ARPC1B: variants seen among roughly 807,000 people sequenced by gnomAD.
ARPC1B encodes the protein actin-related protein 2/3 complex subunit 1B.
A neutral mutation model predicts 46.0 loss-of-function variants in ARPC1B; 29 were observed. The ratio of observed to expected loss-of-function variants is 0.63; its 90% CI spans 0.47 to 0.86. The LOEUF (loss-of-function observed/expected upper bound fraction) is 0.86. Ranked by LOEUF, ARPC1B falls within the 40% of genes least tolerant of loss-of-function variation. The pLI is 0.00. For missense variants in ARPC1B, 469 were observed against 529.4 expected (o/e 0.89, Z 1.12); for synonymous variants, 201 against 213.9 (o/e 0.94, Z 0.53).
intron 2 of ARPC1B, 88 bp from the exon 3 acceptor site, chr7:99,386,597 T>A (rs1424149967): frequency 1.1e-5 from 11 of 1,008,614 alleles, no homozygotes; most frequent in Non-Finnish European, 1.3e-5. Flanking sequence ...AAAGGTGAGG[T>A]GTTGTTGCCT....
At chr7:99,383,367 T>G (rs893019236) in intron 1 of ARPC1B, among the ~76,000 whole-genome samples, 1 of 152,134 alleles carries the variant, frequency 6.6e-6, no homozygotes, top group Non-Finnish European at 1.5e-5. Flanking sequence ...ACGTACTCTG[T>G]TGGTCACTAA....
At chr7:99,385,639 A>G (rs1794366566) in intron 1 of ARPC1B, 63 bp from the exon 2 acceptor site, 1 of 1,400,970 alleles carries the variant, frequency 7.1e-7, no homozygotes, top group Non-Finnish European at 9.9e-7. Flanking sequence ...GGGGCCTGGT[A>G]TGGGTGAAGT....
chr7:99,392,997 G>C (rs916479542), intron 8 of ARPC1B, 121 bp downstream of exon 8: 6 of 1,051,090 alleles, frequency 5.7e-6, no homozygotes, highest in Admixed American at 3.2e-5. Flanking sequence ...TTGAGGACTG[G>C]GGACCCGGAG....
At chr7:99,375,220 C>G (rs1421297885) in intron 1 of ARPC1B, among the ~76,000 whole-genome samples, 3 of 152,170 alleles carry the variant, frequency 2.0e-5, no homozygotes, top group Middle Eastern at 3.2e-3. Flanking sequence ...GGTGTAGCCC[C>G]GTTACTTCGG....
intron 2 of ARPC1B, 110 bp from the exon 3 acceptor site, chr7:99,386,575 G>T: frequency 2.2e-6 from 2 of 906,320 alleles, no homozygotes; most frequent in Non-Finnish European, 1.9e-6. Flanking sequence ...GAAGAGGAGA[G>T]ACTGAGTCAT....
At chr7:99,385,801 TG>T in intron 2 of ARPC1B, 23 bp downstream of exon 2, 1 of 1,598,856 alleles carries the variant, frequency 6.3e-7, no homozygotes. Context: ...TGGGGGCCGG[TG>T]GGTGGCTGCT....
At chr7:99,384,771 T>C (rs1054112828) in intron 1 of ARPC1B, among the ~76,000 whole-genome samples, 1 of 151,770 alleles carries the variant, frequency 6.6e-6, no homozygotes, top group Non-Finnish European at 1.5e-5. Context: ...GTCTGAGCAG[T>C]GTGGGGGAAG....
chr7:99,390,055 T>C, intron 5 of ARPC1B, 43 bp downstream of exon 5: 6 of 1,536,096 alleles, frequency 3.9e-6, no homozygotes, highest in Non-Finnish European at 5.4e-6. Context: ...TGACGTCAAC[T>C]GACTGCTGAC....
chr7:99,390,311 A>G (rs1389709186), intron 5 of ARPC1B, among the ~76,000 whole-genome samples: 2 of 151,780 alleles, frequency 1.3e-5, no homozygotes, highest in Middle Eastern at 3.2e-3. Context: ...TCCTGGACTC[A>G]AGCGATCCTC....
chr7:99,391,235 C>A lies in ARPC1B; in HGVS notation c.765C>A (p.Asp255Glu). The A allele has an allele frequency of 1.2e-6, 2 of 1,614,036 alleles. No individual in the cohort carries two copies. The highest frequency in any genetic ancestry group is 3.3e-5 in the Admixed American group (2 of 60,006). ...TGCTGGCGCTGACCTTCATCACAGA[C>A]AACAGCCTGGTGGCAGCGGTGAGGA... ...LPLLALTFIT[D>E]NSLVAAGHDC... The change falls in exon 7 of 10, where the codon GAC becomes GAA. Residue 255 changes from aspartate (D) to glutamate (E), a missense_variant. Coordinates refer to ENST00000646101, the MANE Select transcript of ARPC1B (RefSeq NM_005720.4).
intron 2 of ARPC1B, chr7:99,386,357 AG>A: frequency 2.0e-6 from 1 of 497,414 alleles, no homozygotes; most frequent in South Asian, 1.6e-5. Context: ...GGGGAGAGGA[AG>A]GGAACTGTGC....
rs1584414689 is a variant in ARPC1B at position 99,394,079 on chromosome 7, C to T, written c.1040C>T (p.Thr347Ile). 1 of 1,613,724 alleles carries T rather than the reference C, an allele frequency of 6.2e-7. No individual in the cohort carries two copies. The highest frequency in any genetic ancestry group is 8.5e-7 in the Non-Finnish European group (1 of 1,180,040). ...GGKAKCSQFC[T>I]TGMDGGMSIW... ...AAGGCCAAGTGCTCGCAGTTCTGCA[C>T]CACTGGCATGGATGGCGGCATGAGT... Residue 347 changes from threonine to isoleucine, a missense_variant, in exon 9 of 10, where the codon ACC (threonine) becomes ATC (isoleucine). Physicochemically the swap from Thr to Ile is moderately conservative, Grantham distance 89. Transcript: ENST00000646101.
At chr7:99,385,536 G>T (rs1794364104) in intron 1 of ARPC1B, among the ~76,000 whole-genome samples, 166 bp from the exon 2 acceptor site, 1 of 152,168 alleles carries the variant, frequency 6.6e-6, no homozygotes, top group Non-Finnish European at 1.5e-5. Flanking sequence ...AGGCCAGTTG[G>T]GAGCCAGGGC....
chr7:99,380,976 G>A (rs182225468), intron 1 of ARPC1B, among the ~76,000 whole-genome samples: 73 of 152,310 alleles, frequency 4.8e-4, no homozygotes, highest in African/African-American at 1.4e-3. Flanking sequence ...GGGGGTTGTC[G>A]GGGTGTAGAT....
chr7:99,378,664 C>T (rs1402498041), intron 1 of ARPC1B, among the ~76,000 whole-genome samples: 3 of 150,236 alleles, frequency 2.0e-5, no homozygotes, highest in Non-Finnish European at 2.9e-5. Flanking sequence ...GCCTGGGCGA[C>T]AGAATGAGAC....
chr7:99,384,996 C>T (rs1584403830), intron 1 of ARPC1B, among the ~76,000 whole-genome samples: 1 of 116,030 alleles, frequency 8.6e-6, no homozygotes, highest in Non-Finnish European at 1.7e-5. Context: ...GACGGAGTCT[C>T]ACTCTGTCGC....
intron 3 of ARPC1B, 50 bp downstream of exon 3, chr7:99,386,839 G>A: frequency 6.9e-7 from 1 of 1,450,512 alleles, no homozygotes. Context: ...TGGTGGGTTG[G>A]GGGGGTGGTG....
At chr7:99,394,172 C>T (rs1225963359) in intron 9 of ARPC1B, 53 bp downstream of exon 9, 2 of 1,572,230 alleles carry the variant, frequency 1.3e-6, no homozygotes, top group Non-Finnish European at 1.7e-6. Context: ...CAACCCTTTC[C>T]CCCCATCCCC....
Position 99,394,779 on chromosome 7 carries a change from T to TTAA in ARPC1B, c.*290_*291insTAA, listed in dbSNP as rs1554350911. On this transcript the variant is annotated 3_prime_UTR_variant, in exon 10 of 10. Coordinates refer to ENST00000646101, the MANE Select transcript of ARPC1B (RefSeq NM_005720.4). ...GTGGAGGTAATAAAATGCAACTGTGTAAAAAAAAAAAAAAAAAAAAAAGTA... is the reference window on the plus strand; with the variant it reads ...GTGGAGGTAATAAAATGCAACTGTGTTAAAAAAAAAAAAAAAAAAAAAAAAGTA... 47 of 958,176 alleles carry TTAA rather than the reference T, an allele frequency of 4.9e-5. No homozygotes were observed. The South Asian group carries it at 1.5e-3, about 30-fold the overall frequency. The allele number at this position is 958,176 out of a possible 1,614,324, so 59.4% of individuals were successfully genotyped here. A position where few individuals can be genotyped will look rare whatever the true frequency, so the allele number is the denominator to read the frequency against.
Sources: gnomAD v4.1 joint callset for allele counts (sites outside exome capture counted in the v4.1 genomes callset) on GRCh38, gnomAD v4.1.1 for gene constraint, MANE v1.5 for transcripts, NCBI Gene and HGNC (gene_info 2026-07-23, HGNC 2026-07-21) for gene names.